The following SUSD4 variants were observed in gnomAD, a reference collection of about 807,000 sequenced individuals.
SUSD4 encodes sushi domain-containing protein 4.
In SUSD4, 41 loss-of-function variants were observed where a neutral mutation model predicts 50.5. The ratio of observed to expected loss-of-function variants is 0.81; its 90% CI spans 0.63 to 1.05. The LOEUF (loss-of-function observed/expected upper bound fraction) is 1.05, where lower values mean the gene tolerates loss of function less well. SUSD4 is among the 50% of genes least tolerant of loss of function. The pLI is 0.00. For missense variants in SUSD4, 580 were observed against 634.7 expected, an observed-to-expected ratio of 0.91 and a Z score of 0.93; for synonymous variants, 257 against 257.3, an observed-to-expected ratio of 1.00 and a Z score of 0.01.
chr1:223,277,404 G>A (rs1368690253), intron 3 of SUSD4, among the ~76,000 whole-genome samples: 1 of 151,938 alleles, frequency 6.6e-6, no homozygotes, highest in Non-Finnish European at 1.5e-5. Context: ...TCCTCCTCCT[G>A]TGCTCTATGC....
chr1:223,331,270 C>T (rs1381422645), intron 2 of SUSD4, among the ~76,000 whole-genome samples: 3 of 152,216 alleles, frequency 2.0e-5, no homozygotes, highest in African/African-American at 7.2e-5. Context: ...TTTGGGGGCG[C>T]TTTGGAGTTC....
chr1:223,341,773 A>G (rs1194748868), intron 2 of SUSD4, among the ~76,000 whole-genome samples: 4 of 152,106 alleles, frequency 2.6e-5, no homozygotes, highest in Non-Finnish European at 4.4e-5. Flanking sequence ...TGTGTCTCCC[A>G]GCCTGAAGAA....
intron 5 of SUSD4, chr1:223,263,872 G>T (rs1250812683): frequency 1.0e-6 from 1 of 985,288 alleles, no homozygotes; most frequent in East Asian, 1.1e-4. Context: ...CCTGACTTGA[G>T]GTTTCTTCAC....
At chr1:223,364,425 A>T (rs2102615221), upstream of SUSD4, among the ~76,000 whole-genome samples, 4 of 147,442 alleles carry the variant, frequency 2.7e-5, no homozygotes, top group South Asian at 8.4e-4. This position sits in a 1 kb window ranked among gnomAD's most constrained non-coding sequence, Gnocchi z 4.5. Flanking sequence ...CGCCTCTGCC[A>T]ACCCAGCCGG....
chr1:223,255,065 GAAC>G (rs979872700), intron 5 of SUSD4, among the ~76,000 whole-genome samples: 5 of 152,154 alleles, frequency 3.3e-5, no homozygotes, highest in Non-Finnish European at 7.3e-5. Flanking sequence ...CACTGCCAGG[GAAC>G]AAAATGGCAA....
At chr1:223,233,859 A>G (rs1660048868) in intron 5 of SUSD4, among the ~76,000 whole-genome samples, 1 of 151,700 alleles carries the variant, frequency 6.6e-6, no homozygotes, top group Admixed American at 6.5e-5. Context: ...TACTTTAGAC[A>G]TTATTAGCAA....
At chr1:223,239,690 T>C (rs1220400599) in intron 5 of SUSD4, among the ~76,000 whole-genome samples, 3 of 152,044 alleles carry the variant, frequency 2.0e-5, no homozygotes, top group Non-Finnish European at 4.4e-5. Context: ...ACCATTGCTG[T>C]CATTCATCTC....
intron 3 of SUSD4, among the ~76,000 whole-genome samples, chr1:223,283,377 A>G (rs1336664358): frequency 1.3e-5 from 2 of 152,232 alleles, no homozygotes; most frequent in Non-Finnish European, 2.9e-5. Context: ...AATGAAACAA[A>G]TTTACAAGAA....
chr1:223,349,031 G>A (rs937217862), intron 2 of SUSD4, among the ~76,000 whole-genome samples: 1 of 152,000 alleles, frequency 6.6e-6, no homozygotes, highest in African/African-American at 2.4e-5. Flanking sequence ...CAATGGATGC[G>A]GCCACTATGC....
chr1:223,284,713 G>C (rs1373486946), intron 3 of SUSD4, among the ~76,000 whole-genome samples: 1 of 152,138 alleles, frequency 6.6e-6, no homozygotes, highest in Non-Finnish European at 1.5e-5. Context: ...ATGGCAACGT[G>C]GATGGAACTG....
chr1:223,228,900 C>T (rs1297089376), intron 6 of SUSD4, among the ~76,000 whole-genome samples: 3 of 151,306 alleles, frequency 2.0e-5, no homozygotes, highest in Admixed American at 1.3e-4. Flanking sequence ...AGCTTTTTAA[C>T]CTGGGAATGG....
chr1:223,255,725 G>T (rs1661640723), intron 5 of SUSD4, among the ~76,000 whole-genome samples: 1 of 152,110 alleles, frequency 6.6e-6, no homozygotes, highest in Non-Finnish European at 1.5e-5. Context: ...ACTGTCCCAT[G>T]GAAAGAAGCT....
At chr1:223,355,417 G>C (rs1668606920) in intron 2 of SUSD4, among the ~76,000 whole-genome samples, 1 of 151,438 alleles carries the variant, frequency 6.6e-6, no homozygotes, top group Non-Finnish European at 1.5e-5. Flanking sequence ...CGGGGTTTTT[G>C]CATGTTGCCC....
intron 2 of SUSD4, among the ~76,000 whole-genome samples, chr1:223,307,094 C>G (rs1464859138): frequency 6.6e-6 from 1 of 151,880 alleles, no homozygotes; most frequent in East Asian, 1.9e-4. Flanking sequence ...GTCTCTGACT[C>G]CTAGGTGGCT....
intron 2 of SUSD4, among the ~76,000 whole-genome samples, chr1:223,338,924 GA>G (rs1425162771): frequency 2.6e-5 from 4 of 152,202 alleles, no homozygotes; most frequent in Non-Finnish European, 5.9e-5. Context: ...CTGAGCAGGA[GA>G]AATACATCCA....
intron 5 of SUSD4, among the ~76,000 whole-genome samples, chr1:223,236,995 CTCCATTTATTT>C (rs1475870601): frequency 6.6e-6 from 1 of 152,062 alleles, no homozygotes; most frequent in Non-Finnish European, 1.5e-5. Context: ...TGGACTATCT[CTCCATTTATTT>C]AGTTCTTTGA....
intron 2 of SUSD4, among the ~76,000 whole-genome samples, chr1:223,294,618 T>C (rs1189186787): frequency 6.6e-6 from 1 of 152,132 alleles, no homozygotes; most frequent in Admixed American, 6.5e-5. Context: ...GACAAAGAAT[T>C]GGGGTGAGGG....
At chr1:223,261,901 C>A (rs954181491) in intron 5 of SUSD4, among the ~76,000 whole-genome samples, 6 of 152,188 alleles carry the variant, frequency 3.9e-5, no homozygotes, top group African/African-American at 1.4e-4. Context: ...CCCAGTCCCA[C>A]AAGCCAAGTA....
At chr1:223,283,593 G>A (rs1268218554) in intron 3 of SUSD4, among the ~76,000 whole-genome samples, 2 of 152,368 alleles carry the variant, frequency 1.3e-5, no homozygotes, top group African/African-American at 4.8e-5. Flanking sequence ...AGGTGCTGGA[G>A]AGGATGTGGA....
Sources: allele counts gnomAD v4.1 joint callset (sites outside exome capture counted in the v4.1 genomes callset), GRCh38; gene constraint gnomAD v4.1.1; non-coding constraint Gnocchi (gnomAD v3.1); transcripts MANE v1.5; gene names NCBI Gene and HGNC (gene_info 2026-07-23, HGNC 2026-07-21).